Variants in SRPK2 observed in about 807,000 individuals in gnomAD.
SRPK2 encodes the protein SRSF protein kinase 2, also known as SFRS protein kinase 2.
A neutral mutation model predicts 90.8 loss-of-function variants in SRPK2; 21 were observed. The observed-to-expected ratio is 0.23, with a 90% CI of 0.16 to 0.33. The LOEUF (loss-of-function observed/expected upper bound fraction) is 0.33. Ranked by LOEUF, SRPK2 falls within the 10% of genes least tolerant of loss-of-function variation. SRPK2 has a pLI of 1.00. For missense variants in SRPK2, 620 were observed against 869.0 expected, an observed-to-expected ratio of 0.71 and a Z score of 3.60; for synonymous variants, 288 against 311.1, an observed-to-expected ratio of 0.93 and a Z score of 0.78.
Position 105,338,338 on chromosome 7 carries a change from C to A in SRPK2, c.71+50310G>T, listed in dbSNP as rs553178754. Among the ~76,000 whole-genome samples, 84 of 152,286 alleles carry A rather than the reference C, an allele frequency of 5.5e-4. 1 individual carries two copies. The highest frequency in any genetic ancestry group is 3.4e-3 in the Middle Eastern group (1 of 294). On this transcript the variant is annotated intron_variant, in intron 2 of 15. Transcript: ENST00000393651. ...GCAACCTCCACATCCCCAGCTCAAG[C>A]GATTCTCCTGCCTCAGCCTTCCGAG...
chr7:105,216,069 C>CAAAAAAAAAA (rs767351592), intron 2 of SRPK2, among the ~76,000 whole-genome samples: 1 of 60,166 alleles, frequency 1.7e-5, no homozygotes, highest in Non-Finnish European at 3.9e-5. Flanking sequence ...CCCATCTCTA[C>CAAAAAAAAAA]AAAAAAAAAA....
At chr7:105,301,586 G>A in intron 2 of SRPK2, 1 of 1,598,910 alleles carries the variant, frequency 6.3e-7, no homozygotes, top group Non-Finnish European at 8.6e-7. Flanking sequence ...GGAGATGAAA[G>A]TTTCCGGGAA....
chr7:105,184,702 G>A lies in SRPK2; in HGVS notation c.230-15437C>T, dbSNP rs373732075. 8.5e-5 allele frequency among the ~76,000 whole-genome samples: 13 copies of A among 152,302 alleles called. No homozygotes were observed. In the East Asian group the frequency reaches 1.9e-3, roughly 23 times the overall value. On this transcript the variant is annotated intron_variant, in intron 3 of 15. Transcript: ENST00000393651. ...ATAATGAAGGTCAGTTTGGCTGGAT[G>A]TAAAATATTTGACTGACATTTTCTT...
intron 2 of SRPK2, among the ~76,000 whole-genome samples, chr7:105,356,603 T>G (rs1487231322): frequency 1.3e-5 from 2 of 152,222 alleles, no homozygotes; most frequent in East Asian, 3.9e-4. Flanking sequence ...CCCATGAAAT[T>G]TGATAGTTTG....
At chr7:105,231,631 C>G (rs1470197796) in intron 2 of SRPK2, among the ~76,000 whole-genome samples, 4 of 152,176 alleles carry the variant, frequency 2.6e-5, no homozygotes, top group Non-Finnish European at 5.9e-5. Context: ...GATAATACTT[C>G]ACTGTGGTTT....
chr7:105,285,736 A>G (rs6954844), intron 2 of SRPK2, among the ~76,000 whole-genome samples: 66,642 of 151,974 alleles, frequency 0.44, 15,889 homozygotes, highest in South Asian at 0.54. Flanking sequence ...CAACCCATCT[A>G]ACCACCTGCT....
chr7:105,339,054 A>G (rs1281585119), intron 2 of SRPK2, among the ~76,000 whole-genome samples: 1 of 152,188 alleles, frequency 6.6e-6, no homozygotes, highest in Non-Finnish European at 1.5e-5. Context: ...TTTTTTCAAT[A>G]ATTTTGAGAA....
chr7:105,325,379 C>T (rs923956733), intron 2 of SRPK2, among the ~76,000 whole-genome samples: 1 of 151,484 alleles, frequency 6.6e-6, no homozygotes, highest in African/African-American at 2.4e-5. Flanking sequence ...CCCTGTTGAT[C>T]CCTCTGTAAA....
intron 2 of SRPK2, among the ~76,000 whole-genome samples, chr7:105,239,117 A>T (rs1352419531): frequency 6.6e-6 from 1 of 152,256 alleles, no homozygotes; most frequent in Non-Finnish European, 1.5e-5. Flanking sequence ...TACATATCTG[A>T]ATAGTCCAGC....
intron 2 of SRPK2, among the ~76,000 whole-genome samples, chr7:105,285,385 CA>C (rs58399129): frequency 0.011 from 1,191 of 106,078 alleles, 7 homozygotes; most frequent in East Asian, 0.031. Flanking sequence ...ACCCCGTCTC[CA>C]AAAAAAAAAA....
At chr7:105,254,673 T>TTG (rs1554482128) in intron 2 of SRPK2, among the ~76,000 whole-genome samples, 19 of 152,028 alleles carry the variant, frequency 1.2e-4, no homozygotes, top group Admixed American at 2.0e-4. Context: ...TTGTTTTTTT[T>TTG]TTGTTGTTGT....
At chr7:105,316,324 G>T (rs148210847) in intron 2 of SRPK2, among the ~76,000 whole-genome samples, 1 of 152,144 alleles carries the variant, frequency 6.6e-6, no homozygotes, top group African/African-American at 2.4e-5. Context: ...TCAAATTACT[G>T]TGCATTAAGG....
At chr7:105,226,708 G>A in intron 2 of SRPK2, among the ~76,000 whole-genome samples, 1 of 152,032 alleles carries the variant, frequency 6.6e-6, no homozygotes, top group Non-Finnish European at 1.5e-5. Context: ...TTAAGGATAA[G>A]ACAGTGTAGA....
intron 2 of SRPK2, among the ~76,000 whole-genome samples, chr7:105,386,439 C>G (rs541004540): frequency 7.9e-5 from 12 of 152,158 alleles, no homozygotes; most frequent in Non-Finnish European, 1.5e-4. Flanking sequence ...TCAGGTCGGG[C>G]ACGGTGGCTC....
At chr7:105,375,487 A>C (rs1820177600) in intron 2 of SRPK2, among the ~76,000 whole-genome samples, 1 of 152,200 alleles carries the variant, frequency 6.6e-6, no homozygotes, top group South Asian at 2.1e-4. Context: ...TTTAAGACTA[A>C]CCTGGGCAGC....
At chr7:105,311,250 T>C (rs1281921501) in intron 2 of SRPK2, among the ~76,000 whole-genome samples, 3 of 152,210 alleles carry the variant, frequency 2.0e-5, no homozygotes, top group East Asian at 1.9e-4. Flanking sequence ...TATTTTTTTT[T>C]TGAGACGGAG....
intron 2 of SRPK2, among the ~76,000 whole-genome samples, chr7:105,215,476 C>T (rs964274202): frequency 6.6e-6 from 1 of 152,118 alleles, no homozygotes; most frequent in African/African-American, 2.4e-5. Flanking sequence ...TGCAGCAATT[C>T]CACTCCTGGC....
intron 11 of SRPK2, among the ~76,000 whole-genome samples, chr7:105,137,247 T>G (rs1802979579): frequency 1.3e-5 from 2 of 151,994 alleles, no homozygotes; most frequent in African/African-American, 4.8e-5. Flanking sequence ...AAACAGAGAA[T>G]GGGTCTGGAG....
chr7:105,247,759 C>T (rs959459778), intron 2 of SRPK2, among the ~76,000 whole-genome samples: 8 of 151,918 alleles, frequency 5.3e-5, no homozygotes, highest in Non-Finnish European at 8.8e-5. Flanking sequence ...TGGTACCTCA[C>T]TATGTTGCCC....
Sources: gnomAD v4.1 joint callset for allele counts (sites outside exome capture counted in the v4.1 genomes callset) on GRCh38, gnomAD v4.1.1 for gene constraint, MANE v1.5 for transcripts, NCBI Gene and HGNC (gene_info 2026-07-23, HGNC 2026-07-21) for gene names.